Variants in RTTN observed in about 807,000 individuals in gnomAD.
The protein encoded by RTTN is rotatin.
Under a neutral mutation model 269.2 loss-of-function variants are expected in RTTN, and 182 were observed. The observed-to-expected ratio is 0.68, with a 90% confidence interval of 0.60 to 0.76. The LOEUF (loss-of-function observed/expected upper bound fraction) is 0.76, where lower values mean the gene tolerates loss of function less well. Ranked by LOEUF, RTTN falls within the 30% of genes least tolerant of loss-of-function variation. The pLI, the probability that RTTN is intolerant of heterozygous loss-of-function variation, is 0.00. For synonymous variants in RTTN, 1,006 were observed against 963.5 expected (o/e 1.04, Z -0.82); for missense variants, 2,545 against 2,608.6 (o/e 0.98, Z 0.53).
At chr18:70,134,865 G>A (rs560863996) in intron 22 of RTTN, among the ~76,000 whole-genome samples, 3 of 151,886 alleles carry the variant, frequency 2.0e-5, no homozygotes, top group African/African-American at 7.2e-5. Context: ...TATCTTCCGA[G>A]GTTTTTTAAA....
At chr18:70,004,268 T>G (rs375213031) in intron 48 of RTTN, 32 bp from the exon 49 acceptor site, 49 of 1,498,068 alleles carry the variant, frequency 3.3e-5, no homozygotes, top group Non-Finnish European at 3.7e-5. Flanking sequence ...ACAGAAATAC[T>G]AGTTTATGAA....
Position 70,061,953 on chromosome 18 carries a change from G to T in RTTN, c.4748-1911C>A, listed in dbSNP as rs2057999478. ...TATTTGTAATTTCCGTTATGTGAAA[G>T]TAAAAATTCTGGCTTTCATTGTCTA... On this transcript the variant is annotated intron_variant, in intron 35 of 48. Coordinates refer to ENST00000640769, the MANE Select transcript of RTTN (RefSeq NM_173630.4). 3.3e-5 allele frequency among the ~76,000 whole-genome samples: 5 copies of T among 152,140 alleles called. No individual in the cohort carries two copies. In the South Asian group the frequency reaches 1.0e-3, roughly 31 times the overall value.
rs993132895 is a variant in RTTN at position 70,103,159 on chromosome 18, C to T, written c.3903+6339G>A. 1.4e-4 allele frequency among the ~76,000 whole-genome samples: 21 copies of T among 145,466 alleles called. 1 individual carries two copies. The highest frequency in any genetic ancestry group is 4.5e-4 in the South Asian group (2 of 4,492). The stretch of plus-strand genomic sequence containing the variant: ...GAAGTGAGGATCGCCTCTGCCTGGC[C>T]GCCTCGTCTGGGAAGTGAGGAGCGC... On this transcript the variant is annotated intron_variant, in intron 28 of 48. Coordinates refer to ENST00000640769, the MANE Select transcript of RTTN (RefSeq NM_173630.4).
intron 13 of RTTN, 132 bp from the exon 14 acceptor site, chr18:70,166,320 A>C: frequency 1.3e-6 from 1 of 781,682 alleles, no homozygotes; most frequent in Non-Finnish European, 2.0e-6. Flanking sequence ...AATAACCAAT[A>C]CTAGCAAGTA....
chr18:70,068,563 C>T (rs1490275787), intron 34 of RTTN, among the ~76,000 whole-genome samples: 3 of 152,204 alleles, frequency 2.0e-5, no homozygotes, highest in Non-Finnish European at 4.4e-5. Context: ...GCTAGACTAA[C>T]TTCAGCTGCC....
intron 33 of RTTN, 68 bp downstream of exon 33, chr18:70,075,284 T>C: frequency 9.0e-7 from 1 of 1,113,054 alleles, no homozygotes; most frequent in Non-Finnish European, 1.3e-6. Context: ...AAAACAAATA[T>C]ATGTATTTTT....
chr18:70,199,365 AATGACT>A, intron 5 of RTTN, 43 bp downstream of exon 5: 1 of 1,255,686 alleles, frequency 8.0e-7, no homozygotes, highest in East Asian at 2.3e-5. Context: ...TATCAAACTT[AATGACT>A]ATAAGTGAAC....
At chr18:70,045,825 A>G (rs932578119) in intron 40 of RTTN, among the ~76,000 whole-genome samples, 12 of 152,248 alleles carry the variant, frequency 7.9e-5, no homozygotes, top group Admixed American at 1.3e-4. Context: ...TAATTGGTTA[A>G]TGTATCCATA....
At position 70,150,080 on chromosome 18, in the gene RTTN, G is replaced by T. The variant is rs773285921; in HGVS notation, c.2063C>A (p.Thr688Asn). 2.5e-6 allele frequency: 4 copies of T among 1,608,462 alleles called. No homozygotes were observed. The highest frequency in any genetic ancestry group is 3.4e-6 in the Non-Finnish European group (4 of 1,175,144). ...GIQEPESEVN[T>N]AAKAILLYLL... The stretch of plus-strand genomic sequence containing the variant: ...GTATAACAGAATGGCCTTGGCAGCA[G>T]TGTTCACCTGCTCAACAACACAGAC... Residue 688 changes from threonine (T) to asparagine (N), a missense_variant, in exon 16 of 49, where the codon ACT becomes AAT. By Grantham distance (65) the Thr-to-Asn change is moderately conservative (BLOSUM62 0). Coordinates refer to ENST00000640769, the MANE Select transcript of RTTN (RefSeq NM_173630.4).
At chr18:70,091,997 CCCA>C (rs1381797520) in intron 30 of RTTN, 110 bp downstream of exon 30, 1 of 555,046 alleles carries the variant, frequency 1.8e-6, no homozygotes, top group African/African-American at 1.9e-5. Context: ...TCGTGATCTG[CCCA>C]CCTCAGCCTC....
At chr18:70,182,831 A>C (rs2061451069) in intron 10 of RTTN, among the ~76,000 whole-genome samples, 1 of 152,174 alleles carries the variant, frequency 6.6e-6, no homozygotes, top group African/African-American at 2.4e-5. Context: ...AAAAAACAAA[A>C]TTTAATTCCA....
intron 28 of RTTN, among the ~76,000 whole-genome samples, chr18:70,096,466 C>G (rs932240142): frequency 6.6e-6 from 1 of 152,074 alleles, no homozygotes; most frequent in African/African-American, 2.4e-5. Context: ...ATGTTGGTGA[C>G]CTTTGGATGG....
intron 37 of RTTN, among the ~76,000 whole-genome samples, chr18:70,054,809 AC>A (rs1448480522): frequency 6.6e-6 from 1 of 152,040 alleles, no homozygotes; most frequent in Non-Finnish European, 1.5e-5. Flanking sequence ...ACAGAGTAAA[AC>A]CCTGTTTCAA....
At chr18:70,201,169 A>G (rs1328110089) in intron 4 of RTTN, among the ~76,000 whole-genome samples, 1 of 152,186 alleles carries the variant, frequency 6.6e-6, no homozygotes, top group Non-Finnish European at 1.5e-5. Context: ...GAACTTTTTA[A>G]TTAACTGGGT....
chr18:70,090,761 A>G lies in RTTN; in HGVS notation c.4143+1349T>C, dbSNP rs149966018. 2.9e-3 allele frequency among the ~76,000 whole-genome samples: 445 copies of G among 152,286 alleles called. 4 individuals carry two copies. Among genetic ancestry groups the G allele is most frequent in the Middle Eastern group, 0.01 (3 of 294 alleles). ...TGACCCTGCCCAGTGCTTCAGGAAC[A>G]TGGCTGCCCTTGAAGACAGCTTTAT... On this transcript the variant is annotated intron_variant, in intron 30 of 48. Transcript: ENST00000640769.
chr18:70,165,751 G>A (rs2060968228), intron 14 of RTTN, among the ~76,000 whole-genome samples: 1 of 151,298 alleles, frequency 6.6e-6, no homozygotes, highest in South Asian at 2.1e-4. Flanking sequence ...AACCTAAAAG[G>A]TTTCCTGGGC....
At position 70,005,198 on chromosome 18, in the gene RTTN, T is replaced by C. The variant is rs372219585; in HGVS notation, c.6595A>G (p.Thr2199Ala). The stretch of plus-strand genomic sequence containing the variant: ...TAATCTCTTTCTTATTGCAACTTAC[T>C]TTTCTTTGCTAAGGAGTATGCTTCA... ...VDEAYSLAKKTFPNSEANPLN... is the reference protein window; with the variant it reads ...VDEAYSLAKKAFPNSEANPLN... The change falls in exon 48 of 49, where the codon ACT (threonine) becomes GCT (alanine). Residue 2199 changes from threonine (T) to alanine (A), a missense_variant and splice_region_variant. Transcript: ENST00000640769. The C allele has an allele frequency of 2.5e-6, 4 of 1,603,448 alleles. No individual in the cohort carries two copies. The African/African-American group carries it at 5.4e-5, about 22-fold the overall frequency.
At chr18:70,111,546 G>A (rs533469376) in intron 27 of RTTN, among the ~76,000 whole-genome samples, 14 of 152,114 alleles carry the variant, frequency 9.2e-5, no homozygotes, top group African/African-American at 3.4e-4. Context: ...CACCAAGAAA[G>A]GATATCAGTG....
At chr18:70,188,280 T>A in intron 9 of RTTN, 57 bp from the exon 10 acceptor site, 1 of 917,494 alleles carries the variant, frequency 1.1e-6, no homozygotes. Flanking sequence ...TTTAAAATAA[T>A]CAGCTGAATA....
Sources: allele counts gnomAD v4.1 joint callset (sites outside exome capture counted in the v4.1 genomes callset), GRCh38; gene constraint gnomAD v4.1.1; transcripts MANE v1.5; gene names NCBI Gene and HGNC (gene_info 2026-07-23, HGNC 2026-07-21).